The following ZFHX3 variants were observed in gnomAD, a reference collection of about 807,000 sequenced individuals.
The protein encoded by ZFHX3 is zinc finger homeobox protein 3.
Under a neutral mutation model 279.1 loss-of-function variants are expected in ZFHX3, and 42 were observed. The observed-to-expected ratio is 0.15, with a 90% CI of 0.12 to 0.19. The LOEUF (loss-of-function observed/expected upper bound fraction) is 0.19, where lower values mean the gene tolerates loss of function less well. ZFHX3 is among the 10% of genes least tolerant of loss of function. The probability of loss-of-function intolerance (pLI) is 1.00; values close to 1 mark genes in which losing one functional copy is unlikely to be tolerated. For synonymous variants in ZFHX3, 2,293 were observed against 1,957.8 expected, an observed-to-expected ratio of 1.17 and a Z score of -4.52; for missense variants, 4,981 against 4,754.0, an observed-to-expected ratio of 1.05 and a Z score of -1.40.
At chr16:72,829,116 C>CACCT (rs1035397846) in intron 5 of ZFHX3, among the ~76,000 whole-genome samples, 1 of 152,020 alleles carries the variant, frequency 6.6e-6, no homozygotes, top group African/African-American at 2.4e-5. Flanking sequence ...GTGGTTCTCC[C>CACCT]ACCTCAGCCC....
intron 1 of ZFHX3, among the ~76,000 whole-genome samples, chr16:73,700,401 T>C (rs921473784): frequency 6.6e-6 from 1 of 152,240 alleles, no homozygotes; most frequent in African/African-American, 2.4e-5. Context: ...GACACGATGA[T>C]CTTTCATACA....
At chr16:73,157,458 T>C (rs1380653741) in intron 5 of ZFHX3, among the ~76,000 whole-genome samples, 2 of 29,390 alleles carry the variant, frequency 6.8e-5, no homozygotes, top group Non-Finnish European at 1.2e-4. Context: ...GATTTAGGAA[T>C]GTTTGGTAAA....
At chr16:73,730,498 A>G (rs2053561248) in intron 1 of ZFHX3, among the ~76,000 whole-genome samples, 1 of 152,282 alleles carries the variant, frequency 6.6e-6, no homozygotes, top group South Asian at 2.1e-4. Flanking sequence ...GAATCAGACC[A>G]TTCCTTTGAA....
At chr16:73,608,394 A>G (rs2052212440) in intron 2 of ZFHX3, among the ~76,000 whole-genome samples, 1 of 152,258 alleles carries the variant, frequency 6.6e-6, no homozygotes, top group Non-Finnish European at 1.5e-5. Context: ...AGCAGGCACT[A>G]AAAACATGTG....
At chr16:72,960,819 G>A (rs1961542909) in intron 1 of ZFHX3, among the ~76,000 whole-genome samples, 1 of 152,176 alleles carries the variant, frequency 6.6e-6, no homozygotes, top group South Asian at 2.1e-4. Flanking sequence ...CACAGGGCAG[G>A]TGTACAGGAC....
In ZFHX3 at chr16:73,245,547, T is replaced by A. The variant is rs113975027; in HGVS notation, c.-1104+11500A>T. 6.9e-3 allele frequency among the ~76,000 whole-genome samples: 1,055 copies of A among 152,306 alleles called. 4 individuals are homozygous for A. Among genetic ancestry groups the A allele is most frequent in the Non-Finnish European group, 0.012 (809 of 68,014 alleles). On this transcript the variant is annotated intron_variant, in intron 5 of 17. Coordinates refer to the ZFHX3 transcript ENST00000641206. ...AAAATAGATGATGAATAAGTCATAATAATGAGATGGCCTCAAATGAGAGGT... is the reference window on the plus strand; with the variant it reads ...AAAATAGATGATGAATAAGTCATAAAAATGAGATGGCCTCAAATGAGAGGT...
At position 72,959,503 on chromosome 16, in the gene ZFHX3, A is replaced by G; in HGVS notation, c.643T>C (p.Phe215Leu). ...GKWFEGPDQA[F>L]PNTSALAGLS... ...CCCGCCAGGGCTGAGGTATTCGGGA[A>G]AGCCTGGTCTGGGCCCTCAAACCAT... is the stretch of plus-strand genomic sequence containing the variant. The change falls in exon 2 of 10, where the codon TTC (phenylalanine) becomes CTC (leucine). Residue 215 changes from phenylalanine (F) to leucine (L), a missense_variant. Phe to Leu is a conservative substitution (Grantham distance 22). Coordinates refer to ENST00000268489, the MANE Select transcript of ZFHX3 (RefSeq NM_006885.4). The G allele has an allele frequency of 3.7e-6, 6 of 1,614,260 alleles. No individual in the cohort carries two copies. The highest frequency in any genetic ancestry group is 5.1e-6 in the Non-Finnish European group (6 of 1,180,040).
At chr16:73,350,882 C>G (rs549661359) in intron 3 of ZFHX3, among the ~76,000 whole-genome samples, 1 of 152,124 alleles carries the variant, frequency 6.6e-6, no homozygotes, top group Non-Finnish European at 1.5e-5. Flanking sequence ...AATCCCAGAG[C>G]CTGAGTTCTG....
intron 8 of ZFHX3, among the ~76,000 whole-genome samples, chr16:73,084,514 ATTTTTTTTTTTTTTT>A (rs34134596): frequency 1.1e-5 from 1 of 92,650 alleles, no homozygotes; most frequent in African/African-American, 4.0e-5. Flanking sequence ...CTAGGACTAA[ATTTTTTTTTTTTTTT>A]TTTTTTTTTG....
chr16:73,350,018 G>T (rs2143284193), intron 3 of ZFHX3, among the ~76,000 whole-genome samples: 1 of 150,272 alleles, frequency 6.7e-6, no homozygotes, highest in African/African-American at 2.4e-5. Context: ...CTGGAATAAA[G>T]AACTGGCAAG....
chr16:73,597,641 A>C (rs890470964), intron 2 of ZFHX3, among the ~76,000 whole-genome samples: 1 of 152,204 alleles, frequency 6.6e-6, no homozygotes, highest in Non-Finnish European at 1.5e-5. Context: ...GGCATGATGC[A>C]TCCACAAGCC....
intron 3 of ZFHX3, among the ~76,000 whole-genome samples, chr16:73,390,968 T>G: frequency 6.6e-6 from 1 of 151,756 alleles, no homozygotes; most frequent in East Asian, 1.9e-4. Flanking sequence ...TAGTGTCACA[T>G]GCCCAGAAGC....
At chr16:72,849,645 C>T (rs780282164) in intron 4 of ZFHX3, among the ~76,000 whole-genome samples, 4 of 152,062 alleles carry the variant, frequency 2.6e-5, no homozygotes, top group African/African-American at 4.8e-5. Context: ...CATTGATCAG[C>T]GGACTTGTTA....
intron 1 of ZFHX3, among the ~76,000 whole-genome samples, chr16:73,861,615 G>C (rs1230967522): frequency 6.6e-6 from 1 of 152,064 alleles, no homozygotes; most frequent in Non-Finnish European, 1.5e-5. Flanking sequence ...TCCCAGTAGT[G>C]GGCCATTGGC....
chr16:72,922,208 C>G (rs1447175632), intron 3 of ZFHX3, among the ~76,000 whole-genome samples: 3 of 152,226 alleles, frequency 2.0e-5, no homozygotes, highest in East Asian at 1.9e-4. Context: ...CCAGACTACC[C>G]TATCTTTACT....
intron 8 of ZFHX3, among the ~76,000 whole-genome samples, chr16:73,072,683 G>A (rs937507729): frequency 4.6e-5 from 7 of 152,110 alleles, no homozygotes; most frequent in African/African-American, 1.7e-4. Context: ...TCCCACTTCA[G>A]CCTCCTGAGT....
intron 1 of ZFHX3, among the ~76,000 whole-genome samples, chr16:73,876,665 G>C (rs2029956871): frequency 6.6e-6 from 1 of 152,138 alleles, no homozygotes; most frequent in East Asian, 1.9e-4. Context: ...TTGGATATGT[G>C]GGGTAGGAAT....
At chr16:73,562,651 C>T (rs1259551376) in intron 2 of ZFHX3, among the ~76,000 whole-genome samples, 1 of 148,946 alleles carries the variant, frequency 6.7e-6, no homozygotes, top group African/African-American at 2.5e-5. Context: ...TCACTTGTCT[C>T]ACCAGAGAAG....
At chr16:73,295,743 G>T (rs1383849858) in intron 4 of ZFHX3, among the ~76,000 whole-genome samples, 1 of 152,216 alleles carries the variant, frequency 6.6e-6, no homozygotes, top group African/African-American at 2.4e-5. Context: ...TGAGAAGGCA[G>T]TGGCTGCCCT....
Sources: gnomAD v4.1 joint callset for allele counts (sites outside exome capture counted in the v4.1 genomes callset) on GRCh38, gnomAD v4.1.1 for gene constraint, MANE v1.5 for transcripts, NCBI Gene and HGNC (gene_info 2026-07-23, HGNC 2026-07-21) for gene names.